The following DCAF13 variants were observed in gnomAD, a reference collection of about 807,000 sequenced individuals.
The protein encoded by DCAF13 is DDB1- and CUL4-associated factor 13.
Under a neutral mutation model 59.0 loss-of-function variants are expected in DCAF13, and 38 were observed. That is an observed-to-expected ratio of 0.64 (90% CI 0.50 to 0.84). The LOEUF (loss-of-function observed/expected upper bound fraction) is 0.84. Ranked by LOEUF, DCAF13 falls within the 40% of genes least tolerant of loss-of-function variation. The pLI, the probability that DCAF13 is intolerant of heterozygous loss-of-function variation, is 0.00. For synonymous variants in DCAF13, 173 were observed against 175.0 expected (o/e 0.99, Z 0.09); for missense variants, 469 against 558.4 (o/e 0.84, Z 1.61).
intron 6 of DCAF13, among the ~76,000 whole-genome samples, chr8:103,431,024 A>C (rs1816857158): frequency 6.6e-6 from 1 of 152,166 alleles, no homozygotes. Flanking sequence ...TATTCAAATA[A>C]TATTCAATAA....
In DCAF13 at chr8:103,427,280, CTTA is replaced by C. The variant is rs1483698764; in HGVS notation, c.624+33_624+35del. The C allele has an allele frequency of 7.0e-6, 11 of 1,564,246 alleles. No homozygotes were observed. The East Asian group carries it at 2.5e-4, about 35-fold the overall frequency. ...AATGTTTTTTTTTAAGTATGTTTTACTTATTATGGCTTAATAATTTCAGTTCTG... is the reference window on the plus strand; with the variant it reads ...AATGTTTTTTTTTAAGTATGTTTTACTTATGGCTTAATAATTTCAGTTCTG... On this transcript the variant is annotated intron_variant, in intron 5 of 10. Transcript: ENST00000612750.
chr8:103,435,544 C>G (rs1816921153), intron 7 of DCAF13, 82 bp from the exon 8 acceptor site: 1 of 1,191,318 alleles, frequency 8.4e-7, no homozygotes, highest in South Asian at 1.7e-5. Flanking sequence ...GCAAATGGTT[C>G]TTGTTTTCAG....
intron 1 of DCAF13, among the ~76,000 whole-genome samples, 194 bp downstream of exon 1, chr8:103,415,710 C>G (rs570224632): frequency 2.0e-5 from 3 of 152,276 alleles, no homozygotes; most frequent in Admixed American, 6.5e-5. Context: ...CTGTTCAAGT[C>G]CTTTTTCTAA....
intron 3 of DCAF13, among the ~76,000 whole-genome samples, chr8:103,422,077 G>T (rs934782377): frequency 6.6e-6 from 1 of 152,178 alleles, no homozygotes; most frequent in Non-Finnish European, 1.5e-5. Context: ...ATAATAAGAG[G>T]CTACCTTATT....
chr8:103,435,104 G>A (rs1286083387), intron 7 of DCAF13, among the ~76,000 whole-genome samples: 1 of 151,994 alleles, frequency 6.6e-6, no homozygotes, highest in African/African-American at 2.4e-5. Context: ...TAAAATGTTG[G>A]AAACTATTAA....
chr8:103,428,800 C>A (rs138974900), intron 5 of DCAF13: 16 of 152,130 alleles, frequency 1.1e-4, no homozygotes, highest in African/African-American at 3.9e-4. Context: ...TGGTGAACAT[C>A]TGTGTCAGAA....
At chr8:103,422,659 T>C (rs1816737275) in intron 3 of DCAF13, among the ~76,000 whole-genome samples, 1 of 152,210 alleles carries the variant, frequency 6.6e-6, no homozygotes. Flanking sequence ...TCTAACACTA[T>C]TAGTTTGGTG....
chr8:103,415,793 G>T (rs1019237917), intron 1 of DCAF13, among the ~76,000 whole-genome samples: 1 of 152,210 alleles, frequency 6.6e-6, no homozygotes. Flanking sequence ...CTCTGGGATT[G>T]TCTTCAGGTT....
At chr8:103,416,433 T>TTCC (rs1363056025) in intron 1 of DCAF13, among the ~76,000 whole-genome samples, 23 of 152,210 alleles carry the variant, frequency 1.5e-4, no homozygotes, top group Non-Finnish European at 2.8e-4. Flanking sequence ...TCCTTGCCAC[T>TTCC]TTAGTCAGTC....
intron 1 of DCAF13, among the ~76,000 whole-genome samples, chr8:103,418,848 A>T (rs1334745436): frequency 2.5e-3 from 43 of 16,926 alleles, no homozygotes; most frequent in African/African-American, 6.5e-3. Context: ...ATATATATAT[A>T]TATATATATA....
chr8:103,437,845 G>A (rs572451562), intron 8 of DCAF13, among the ~76,000 whole-genome samples: 1 of 152,016 alleles, frequency 6.6e-6, no homozygotes, highest in Non-Finnish European at 1.5e-5. Context: ...TTGAAAGTAG[G>A]CTTCTGTTGG....
At chr8:103,416,589 C>T (rs1427034766) in intron 1 of DCAF13, among the ~76,000 whole-genome samples, 9 of 152,168 alleles carry the variant, frequency 5.9e-5, no homozygotes, top group Non-Finnish European at 1.2e-4. Flanking sequence ...TAATCTGTTC[C>T]TGCTTACCTC....
At chr8:103,421,469 T>G (rs1357380108) in intron 3 of DCAF13, among the ~76,000 whole-genome samples, 2 of 152,208 alleles carry the variant, frequency 1.3e-5, no homozygotes, top group Non-Finnish European at 2.9e-5. Context: ...ACTCTCTGTT[T>G]TTAAATATAC....
At position 103,443,296 on chromosome 8, in the gene DCAF13, G is replaced by A. The variant is rs1033584163; in HGVS notation, c.*414G>A. On this transcript the variant is annotated 3_prime_UTR_variant, in exon 11 of 11. Transcript: ENST00000612750. ...GATTCCACATAACATTTAGAATAAT[G>A]ATGTCAATTTTTTACAACTGAATTT... 1 of 152,278 alleles carries A rather than the reference G, an allele frequency of 6.6e-6. No individual in the cohort carries two copies. Among genetic ancestry groups the A allele is most frequent in the Non-Finnish European group, 1.5e-5 (1 of 68,172 alleles). 9.4% of individuals were successfully genotyped at this position (152,278 alleles called of 1,614,324 possible).
rs778048907 is a variant in DCAF13, at chr8:103,421,011, C to T, written c.307C>T (p.Arg103Cys). The T allele has an allele frequency of 2.5e-6, 4 of 1,613,120 alleles. No homozygotes were observed. Among genetic ancestry groups the T allele is most frequent in the Non-Finnish European group, 3.4e-6 (4 of 1,179,294 alleles). Reference sequence around the variant, plus strand: ...GAATCTAACTCAGCGGAATTGTATCCGTACAATACAAGCACATGAAGGCTT... The same window carrying T: ...GAATCTAACTCAGCGGAATTGTATCTGTACAATACAAGCACATGAAGGCTT... ...IWNLTQRNCI[R>C]TIQAHEGFVR... is the part of the protein sequence containing the mutation. The change falls in exon 3 of 11, where the codon CGT (arginine) becomes TGT (cysteine). Residue 103 changes from arginine (R) to cysteine (C), a missense_variant. Arg to Cys is a radical substitution (Grantham distance 180). Transcript: ENST00000612750.
chr8:103,425,946 A>G, intron 3 of DCAF13, 110 bp from the exon 4 acceptor site: 2 of 741,610 alleles, frequency 2.7e-6, no homozygotes, highest in Non-Finnish European at 2.4e-6. Context: ...TACTGGAATG[A>G]TATGGTATGT....
chr8:103,419,462 C>T (rs773303896), intron 1 of DCAF13, among the ~76,000 whole-genome samples: 1 of 152,184 alleles, frequency 6.6e-6, no homozygotes, highest in Non-Finnish European at 1.5e-5. Flanking sequence ...AGTAAACAAA[C>T]ATAGAAAGTG....
rs1282299406 is a variant in DCAF13 at position 103,420,965 on chromosome 8, C to T, written c.271-10C>T. On this transcript the variant is annotated splice_polypyrimidine_tract_variant and intron_variant, in intron 2 of 10. Coordinates refer to ENST00000612750, the MANE Select transcript of DCAF13 (RefSeq NM_015420.7). Reference sequence around the variant, plus strand: ...AGTTCACTGAAATTTCCTGGTATGCCTTATCATAGGTTAGAATTTGGAATC... The same window carrying T: ...AGTTCACTGAAATTTCCTGGTATGCTTTATCATAGGTTAGAATTTGGAATC... 1.9e-6 allele frequency: 3 copies of T among 1,555,874 alleles called. No homozygotes were observed. Among genetic ancestry groups the T allele is most frequent in the Admixed American group, 3.3e-5 (2 of 59,844 alleles).
Position 103,426,335 on chromosome 8 carries a change from G to GT in DCAF13, c.468+204dup, listed in dbSNP as rs113065425. Among the ~76,000 whole-genome samples, 521 of 145,220 alleles carry GT rather than the reference G, an allele frequency of 3.6e-3. 1 individual carries two copies. Among genetic ancestry groups the GT allele is most frequent in the African/African-American group, 6.3e-3 (250 of 39,652 alleles). ...CCTTTGATGCTAAAGAATTTTAACA[G>GT]TTTTTTTTTTTTTTGGTATTCATTG... is the stretch of plus-strand genomic sequence containing the variant. On this transcript the variant is annotated intron_variant, in intron 4 of 10. Coordinates refer to ENST00000612750, the MANE Select transcript of DCAF13 (RefSeq NM_015420.7).
Sources: gnomAD v4.1 joint callset for allele counts (sites outside exome capture counted in the v4.1 genomes callset) on GRCh38, gnomAD v4.1.1 for gene constraint, MANE v1.5 for transcripts, NCBI Gene and HGNC (gene_info 2026-07-23, HGNC 2026-07-21) for gene names.